Variants in PEBP4 observed in about 807,000 individuals in gnomAD.
PEBP4 encodes the protein phosphatidylethanolamine-binding protein 4.
Under a neutral mutation model 23.9 loss-of-function variants are expected in PEBP4, and 22 were observed. The ratio of observed to expected loss-of-function variants is 0.92; its 90% CI spans 0.66 to 1.31. The LOEUF is 1.31. Ranked by LOEUF, PEBP4 falls within the 40% of genes most tolerant of loss-of-function variation. PEBP4 has a pLI of 0.00. For missense variants in PEBP4, 324 were observed against 281.7 expected (o/e 1.15, Z -1.07); for synonymous variants, 112 against 99.3 (o/e 1.13, Z -0.76).
chr8:22,825,550 G>A (rs1806951576), intron 3 of PEBP4, among the ~76,000 whole-genome samples: 1 of 152,166 alleles, frequency 6.6e-6, no homozygotes, highest in African/African-American at 2.4e-5. Context: ...ATTACACCAT[G>A]GACTGGTGGT....
intron 3 of PEBP4, among the ~76,000 whole-genome samples, chr8:22,825,450 T>A (rs564297217): frequency 3.3e-5 from 5 of 152,354 alleles, no homozygotes; most frequent in Admixed American, 6.5e-5. Context: ...TGCCACATGT[T>A]TTCTTGCCTA....
intron 4 of PEBP4, among the ~76,000 whole-genome samples, chr8:22,803,693 T>C (rs1048704235): frequency 4.0e-5 from 6 of 151,858 alleles, no homozygotes; most frequent in Non-Finnish European, 8.8e-5. Flanking sequence ...TAAAATAAAA[T>C]AAAAGGCATC....
rs371674164 is a variant in PEBP4, at chr8:22,940,719, G to A, written c.145-12999C>T. Among the ~76,000 whole-genome samples the A allele has an allele frequency of 1.2e-4, 18 of 152,206 alleles. No individual in the cohort carries two copies. In the East Asian group the frequency reaches 3.3e-3, roughly 28 times the overall value. On this transcript the variant is annotated intron_variant, in intron 1 of 1. Transcript: ENST00000522278. ...TTAGCCAGGATGGTCTTGATCTCCTGACCTCGTGATCTGCCTGCCTTGGCC... is the reference window on the plus strand; with the variant it reads ...TTAGCCAGGATGGTCTTGATCTCCTAACCTCGTGATCTGCCTGCCTTGGCC...
In PEBP4 at chr8:22,795,818, T is replaced by C. The variant is rs1806246749; in HGVS notation, c.357+21819A>G. ...TGGGTAATATTTTAACGATATTTTA[T>C]GCCACTTGTTAGTATAAAAATAACG... is the stretch of plus-strand genomic sequence containing the variant. On this transcript the variant is annotated intron_variant, in intron 4 of 6. Coordinates refer to ENST00000256404, the MANE Select transcript of PEBP4 (RefSeq NM_144962.3). Among the ~76,000 whole-genome samples the C allele has an allele frequency of 1.3e-5, 2 of 152,260 alleles. 1 individual carries two copies. Among genetic ancestry groups the C allele is most frequent in the South Asian group, 4.1e-4 (2 of 4,836 alleles).
At chr8:22,779,843 T>A (rs1264946045) in intron 4 of PEBP4, among the ~76,000 whole-genome samples, 1 of 152,212 alleles carries the variant, frequency 6.6e-6, no homozygotes, top group Non-Finnish European at 1.5e-5. Flanking sequence ...AACCATCACA[T>A]GGGCGACTTA....
chr8:22,713,724 C>T (rs527275448), intron 6 of PEBP4, among the ~76,000 whole-genome samples, 188 bp from the exon 7 acceptor site: 3 of 152,202 alleles, frequency 2.0e-5, no homozygotes, highest in Non-Finnish European at 4.4e-5. Context: ...TTAGCAGAGC[C>T]TCTGAACAGC....
intron 1 of PEBP4, among the ~76,000 whole-genome samples, chr8:22,939,015 C>T (rs1809576320): frequency 6.6e-6 from 1 of 152,198 alleles, no homozygotes; most frequent in African/African-American, 2.4e-5. Context: ...CTTTTGTTAT[C>T]AACTCTTTGT....
At chr8:22,792,439 C>T (rs907139765) in intron 4 of PEBP4, among the ~76,000 whole-genome samples, 1 of 152,108 alleles carries the variant, frequency 6.6e-6, no homozygotes, top group African/African-American at 2.4e-5. Context: ...GGCCTTAGAT[C>T]TTTACCCTAC....
chr8:22,734,363 C>G (rs866450098), intron 4 of PEBP4, among the ~76,000 whole-genome samples: 9 of 152,248 alleles, frequency 5.9e-5, no homozygotes, highest in Middle Eastern at 6.8e-3. Context: ...GAATGAAGCC[C>G]GTGGGAAGTG....
chr8:22,845,508 G>A (rs1357385183), intron 3 of PEBP4, among the ~76,000 whole-genome samples: 1 of 152,214 alleles, frequency 6.6e-6, no homozygotes, highest in African/African-American at 2.4e-5. Context: ...GGGCAGCAGA[G>A]AGAGACCTGT....
rs148815220 is a variant in PEBP4, at chr8:22,781,033, G to A, written c.357+36604C>T. On this transcript the variant is annotated intron_variant, in intron 4 of 6. Coordinates refer to ENST00000256404, the MANE Select transcript of PEBP4 (RefSeq NM_144962.3). ...GACAGCGCAGTTAGCAAGCAGCAGC[G>A]TCCGGGTTCAGATCTGAAACTCTTT... Among the ~76,000 whole-genome samples the A allele has an allele frequency of 2.2e-3, 332 of 152,338 alleles. 2 individuals carry two copies. Among genetic ancestry groups the A allele is most frequent in the African/African-American group, 6.9e-3 (287 of 41,572 alleles).
intron 3 of PEBP4, among the ~76,000 whole-genome samples, chr8:22,911,387 C>T (rs1165503016): frequency 6.6e-6 from 1 of 152,212 alleles, no homozygotes; most frequent in Non-Finnish European, 1.5e-5. Context: ...GTTCTCACCT[C>T]CCCACCAGGC....
intron 3 of PEBP4, 71 bp downstream of exon 3, chr8:22,920,113 G>T: frequency 6.4e-7 from 1 of 1,561,458 alleles, no homozygotes; most frequent in Non-Finnish European, 8.7e-7. Context: ...AAGTCACCCA[G>T]ATGAGCAAGC....
intron 3 of PEBP4, among the ~76,000 whole-genome samples, chr8:22,916,510 C>A (rs1260633239): frequency 6.6e-6 from 1 of 152,176 alleles, no homozygotes; most frequent in African/African-American, 2.4e-5. Flanking sequence ...TCACACCCCA[C>A]CCCTAGGGGG....
intron 3 of PEBP4, among the ~76,000 whole-genome samples, chr8:22,867,469 T>A (rs1807930211): frequency 6.6e-6 from 1 of 152,136 alleles, no homozygotes; most frequent in Non-Finnish European, 1.5e-5. Context: ...CACACCAGCT[T>A]ATTAAAGCAC....
At chr8:22,881,153 G>A (rs1808247918) in intron 3 of PEBP4, among the ~76,000 whole-genome samples, 2 of 152,340 alleles carry the variant, frequency 1.3e-5, no homozygotes, top group African/African-American at 4.8e-5. Flanking sequence ...GTGGCCTTGA[G>A]TGTGTCCATG....
intron 4 of PEBP4, among the ~76,000 whole-genome samples, chr8:22,796,960 A>T (rs970795860): frequency 6.6e-6 from 1 of 152,096 alleles, no homozygotes; most frequent in Non-Finnish European, 1.5e-5. Flanking sequence ...AAATTAAAAA[A>T]AAAAAAACAA....
rs891441702 is a variant in PEBP4 at position 22,842,653 on chromosome 8, C to A, written c.259-24918G>T. ...CCAGGATCCCAACAGGCCTGCACAG[C>A]CATAGGAAGGGTGTGCAGGGCCGTT... On this transcript the variant is annotated intron_variant, in intron 3 of 6. Transcript: ENST00000256404. Among the ~76,000 whole-genome samples the A allele has an allele frequency of 3.3e-5, 5 of 152,222 alleles. No homozygotes were observed. In the South Asian group the frequency reaches 8.3e-4, roughly 25 times the overall value.
chr8:22,898,774 T>C (rs1249353132), intron 3 of PEBP4, among the ~76,000 whole-genome samples: 1 of 152,116 alleles, frequency 6.6e-6, no homozygotes, highest in African/African-American at 2.4e-5. Flanking sequence ...AAATGTGTGG[T>C]TGAAATCCAG....
Sources: allele counts gnomAD v4.1 joint callset (sites outside exome capture counted in the v4.1 genomes callset), GRCh38; gene constraint gnomAD v4.1.1; transcripts MANE v1.5; gene names NCBI Gene and HGNC (gene_info 2026-07-23, HGNC 2026-07-21).